Variants in DNM3 observed in about 807,000 individuals in gnomAD.
DNM3 encodes dynamin-3.
DNM3 carries 47 observed loss-of-function variants against 101.6 expected under a neutral mutation model. The observed-to-expected ratio is 0.46, with a 90% confidence interval of 0.37 to 0.59. The LOEUF (loss-of-function observed/expected upper bound fraction) is 0.59, where lower values mean the gene tolerates loss of function less well. DNM3 is among the 20% of genes least tolerant of loss of function. DNM3 has a pLI of 0.00. For synonymous variants in DNM3, 385 were observed against 387.9 expected (o/e 0.99, Z 0.09); for missense variants, 849 against 1,085.7 (o/e 0.78, Z 3.06).
At chr1:172,223,033 G>A (rs961373890) in intron 14 of DNM3, among the ~76,000 whole-genome samples, 1 of 152,136 alleles carries the variant, frequency 6.6e-6, no homozygotes, top group East Asian at 1.9e-4. Flanking sequence ...TCAAATCGGG[G>A]TAATTAGTAT....
downstream of DNM3, among the ~76,000 whole-genome samples, chr1:172,417,152 G>A (rs895025124): frequency 6.6e-6 from 1 of 152,166 alleles, no homozygotes; most frequent in African/African-American, 2.4e-5. Flanking sequence ...AGAATAAGAT[G>A]GAAGTGAGCG....
chr1:172,417,561 TAC>T (rs1306487729), downstream of DNM3, among the ~76,000 whole-genome samples: 2 of 152,134 alleles, frequency 1.3e-5, no homozygotes, highest in Non-Finnish European at 2.9e-5. Context: ...AAATCAGAAA[TAC>T]AGTTATACCT....
intron 13 of DNM3, among the ~76,000 whole-genome samples, chr1:172,101,894 T>G (rs970799379): frequency 3.9e-5 from 6 of 152,166 alleles, no homozygotes; most frequent in Non-Finnish European, 5.9e-5. Context: ...AGTTTTTCTC[T>G]GTTGCCCAGG....
chr1:172,047,670 TAG>T (rs1392273420), intron 9 of DNM3, among the ~76,000 whole-genome samples: 1 of 152,062 alleles, frequency 6.6e-6, no homozygotes, highest in African/African-American at 2.4e-5. Context: ...CAGTTAGAAA[TAG>T]AGGTGAGCAT....
chr1:172,355,616 C>T (rs998758969), intron 17 of DNM3, among the ~76,000 whole-genome samples: 1 of 152,064 alleles, frequency 6.6e-6, no homozygotes, highest in Non-Finnish European at 1.5e-5. Context: ...CAATTTTAAG[C>T]TACCAATGTG....
chr1:172,302,044 A>T (rs2064480750), intron 15 of DNM3, among the ~76,000 whole-genome samples: 1 of 152,214 alleles, frequency 6.6e-6, no homozygotes, highest in East Asian at 1.9e-4. Context: ...CAGTGAGTGC[A>T]GCCCACAGAG....
At chr1:172,054,553 C>A (rs2050438955) in intron 10 of DNM3, among the ~76,000 whole-genome samples, 1 of 151,614 alleles carries the variant, frequency 6.6e-6, no homozygotes, top group South Asian at 2.1e-4. Flanking sequence ...TTACTGGCCT[C>A]TTGGGAACCG....
chr1:172,204,109 A>AGAC (rs1461817132), intron 14 of DNM3, among the ~76,000 whole-genome samples: 39 of 152,286 alleles, frequency 2.6e-4, no homozygotes, highest in African/African-American at 9.4e-4. Context: ...ATTTTGACAG[A>AGAC]GACCAGGTGT....
chr1:172,129,545 G>T (rs541108851), intron 13 of DNM3, among the ~76,000 whole-genome samples: 2 of 152,254 alleles, frequency 1.3e-5, no homozygotes, highest in Non-Finnish European at 2.9e-5. Context: ...TGGCTGGGGA[G>T]GCCTCACAAT....
chr1:172,309,455 A>C (rs1436225317), intron 16 of DNM3: 1 of 152,194 alleles, frequency 6.6e-6, no homozygotes, highest in Non-Finnish European at 1.5e-5. Flanking sequence ...GGAAAATGTA[A>C]TATTACACAG....
chr1:171,865,515 C>CAAAAAA (rs57826674), intron 1 of DNM3, among the ~76,000 whole-genome samples: 1 of 80,650 alleles, frequency 1.2e-5, no homozygotes, highest in Non-Finnish European at 2.3e-5. Flanking sequence ...GATCCTGTCT[C>CAAAAAA]AAAAAAAAAA....
chr1:172,196,564 C>A (rs965642019), intron 14 of DNM3, among the ~76,000 whole-genome samples: 6 of 151,980 alleles, frequency 3.9e-5, no homozygotes, highest in African/African-American at 1.4e-4. Flanking sequence ...ACCTTGCCAG[C>A]ATCTATTATT....
intron 14 of DNM3, among the ~76,000 whole-genome samples, chr1:172,229,572 T>C (rs2061256492): frequency 1.3e-5 from 2 of 152,186 alleles, no homozygotes; most frequent in Non-Finnish European, 2.9e-5. Context: ...TCATTAGATC[T>C]ATCCTATCCA....
intron 4 of DNM3, among the ~76,000 whole-genome samples, chr1:171,996,950 T>C (rs1208649468): frequency 6.6e-6 from 1 of 152,038 alleles, no homozygotes; most frequent in Admixed American, 6.6e-5. Context: ...GAGGATTACC[T>C]GAGCCCAGGA....
chr1:171,865,773 A>G (rs1488037200), intron 1 of DNM3, among the ~76,000 whole-genome samples: 3 of 152,196 alleles, frequency 2.0e-5, no homozygotes, highest in African/African-American at 7.2e-5. Flanking sequence ...ACAATTTCTC[A>G]TATTTTATAA....
intron 16 of DNM3, chr1:172,311,039 A>G (rs2065056569): frequency 6.6e-6 from 1 of 152,156 alleles, no homozygotes; most frequent in South Asian, 2.1e-4. Context: ...TCTGAGATGA[A>G]GATAACAGTA....
At chr1:172,336,265 T>TA (rs2066423202) in intron 17 of DNM3, among the ~76,000 whole-genome samples, 1 of 152,132 alleles carries the variant, frequency 6.6e-6, no homozygotes, top group Admixed American at 6.5e-5. Context: ...GTCACACATC[T>TA]AATAAGTGAA....
chr1:172,236,679 C>T (rs1223792073), intron 14 of DNM3, among the ~76,000 whole-genome samples: 1 of 152,014 alleles, frequency 6.6e-6, no homozygotes, highest in African/African-American at 2.4e-5. Context: ...AGAATACATA[C>T]TCTGTTAACT....
intron 13 of DNM3, among the ~76,000 whole-genome samples, chr1:172,130,626 C>T (rs2056885961): frequency 6.6e-6 from 1 of 152,134 alleles, no homozygotes. Context: ...CCAAACTTTT[C>T]ATTTTAGTTT....
Sources: gnomAD v4.1 joint callset for allele counts (sites outside exome capture counted in the v4.1 genomes callset) on GRCh38, gnomAD v4.1.1 for gene constraint, MANE v1.5 for transcripts, NCBI Gene and HGNC (gene_info 2026-07-23, HGNC 2026-07-21) for gene names.